The following DAB1 variants were observed in gnomAD, a reference collection of about 807,000 sequenced individuals.
DAB1 encodes the protein DAB adaptor protein 1.
In DAB1, 15 loss-of-function variants were observed where a neutral mutation model predicts 64.6. The observed-to-expected ratio is 0.23, with a 90% CI of 0.16 to 0.36. The LOEUF (loss-of-function observed/expected upper bound fraction) is 0.36. Among genes scored for constraint, DAB1 ranks in the 10% least tolerant of loss-of-function variants. The probability of loss-of-function intolerance (pLI) is 1.00; values close to 1 mark genes in which losing one functional copy is unlikely to be tolerated. For missense variants in DAB1, 596 were observed against 706.7 expected (o/e 0.84, Z 1.78); for synonymous variants, 235 against 251.9 (o/e 0.93, Z 0.64).
intron 4 of DAB1, among the ~76,000 whole-genome samples, chr1:58,272,598 T>C (rs1329987324): frequency 8.2e-6 from 1 of 122,332 alleles, no homozygotes; most frequent in Admixed American, 8.8e-5. Context: ...TTCTGTCTCG[T>C]TGATCTGTCT....
chr1:57,644,953 G>C (rs888511201), intron 7 of DAB1, among the ~76,000 whole-genome samples: 6 of 152,192 alleles, frequency 3.9e-5, no homozygotes, highest in Non-Finnish European at 8.8e-5. Context: ...GTGACCTGTA[G>C]AAGCCAGAGT....
At chr1:58,370,548 T>C (rs1032619698) in intron 3 of DAB1, among the ~76,000 whole-genome samples, 1 of 152,168 alleles carries the variant, frequency 6.6e-6, no homozygotes, top group Non-Finnish European at 1.5e-5. Flanking sequence ...CGTTATCTGT[T>C]GTGGTTTTGC....
chr1:57,449,009 T>C (rs1170253951), intron 7 of DAB1, among the ~76,000 whole-genome samples: 1 of 152,184 alleles, frequency 6.6e-6, no homozygotes, highest in Non-Finnish European at 1.5e-5. Context: ...TGATTCCTCC[T>C]GAAATACAGC....
At chr1:58,152,443 T>C (rs1386733953) in intron 4 of DAB1, among the ~76,000 whole-genome samples, 3 of 152,170 alleles carry the variant, frequency 2.0e-5, no homozygotes, top group Non-Finnish European at 2.9e-5. Flanking sequence ...AAGAATGACA[T>C]TGCCCATTGG....
intron 5 of DAB1, among the ~76,000 whole-genome samples, chr1:58,001,356 C>T (rs113029565): frequency 0.012 from 1,781 of 152,186 alleles, 39 homozygotes; most frequent in African/African-American, 0.041. Flanking sequence ...CTCCACCTCC[C>T]GGGTTCAAGC....
intron 3 of DAB1, among the ~76,000 whole-genome samples, chr1:58,487,729 A>C (rs965812080): frequency 6.6e-6 from 1 of 152,188 alleles, no homozygotes; most frequent in African/African-American, 2.4e-5. Context: ...TAATTTGAGA[A>C]GCTTCATTCT....
intron 4 of DAB1, among the ~76,000 whole-genome samples, chr1:58,258,019 G>A (rs895553031): frequency 6.6e-6 from 1 of 152,180 alleles, no homozygotes; most frequent in African/African-American, 2.4e-5. Context: ...TACTGTTACC[G>A]TGGTGGGGAG....
At chr1:57,993,612 T>C (rs12081436) in intron 5 of DAB1, among the ~76,000 whole-genome samples, 3,015 of 152,328 alleles carry the variant, frequency 0.02, 68 homozygotes, top group African/African-American at 0.049. Context: ...TCCTAGTTTC[T>C]AACCCTCAAA....
intron 2 of DAB1, among the ~76,000 whole-genome samples, chr1:57,153,885 T>C (rs1267899068): frequency 2.6e-5 from 4 of 152,126 alleles, no homozygotes; most frequent in Non-Finnish European, 4.4e-5. Flanking sequence ...GTGATCCACC[T>C]GCCTCGGCCT....
rs115106721 is a variant in DAB1, at chr1:57,147,094, G to A, written c.68-1665C>T. 9.4e-3 allele frequency among the ~76,000 whole-genome samples: 1,412 copies of A among 150,602 alleles called. 22 individuals carry two copies. Among genetic ancestry groups the A allele is most frequent in the African/African-American group, 0.03 (1,233 of 40,878 alleles). Reference sequence around the variant, plus strand: ...CACCCAGGCTGGAGCACAGTGGCGCGATCACAGCTCACTGCAGCCACGACC... The same window carrying A: ...CACCCAGGCTGGAGCACAGTGGCGCAATCACAGCTCACTGCAGCCACGACC... On this transcript the variant is annotated intron_variant, in intron 2 of 14. Transcript: ENST00000371236.
chr1:57,248,934 A>G (rs1383059317), intron 2 of DAB1, among the ~76,000 whole-genome samples: 1 of 152,208 alleles, frequency 6.6e-6, no homozygotes, highest in Non-Finnish European at 1.5e-5. Context: ...CATAGGTCTC[A>G]GGATAATTAA....
At chr1:57,766,964 TG>T (rs1228398060) in intron 6 of DAB1, among the ~76,000 whole-genome samples, 1 of 152,130 alleles carries the variant, frequency 6.6e-6, no homozygotes, top group African/African-American at 2.4e-5. Context: ...AACTGCCAAA[TG>T]GAAGAGATGC....
intron 6 of DAB1, among the ~76,000 whole-genome samples, chr1:57,793,710 C>G (rs1054133927): frequency 6.6e-6 from 1 of 152,190 alleles, no homozygotes; most frequent in Non-Finnish European, 1.5e-5. Flanking sequence ...CGCTATGCCT[C>G]AAAAACTCAG....
At chr1:57,135,376 C>T (rs1247827253) in intron 4 of DAB1, among the ~76,000 whole-genome samples, 1 of 152,132 alleles carries the variant, frequency 6.6e-6, no homozygotes, top group East Asian at 1.9e-4. Context: ...TTGTGCCTGG[C>T]TTAATTCACT....
At chr1:57,349,807 T>C (rs1678429305) in intron 1 of DAB1, among the ~76,000 whole-genome samples, 1 of 152,156 alleles carries the variant, frequency 6.6e-6, no homozygotes, top group African/African-American at 2.4e-5. Context: ...TCATTGGCAG[T>C]TTGTCCAAGG....
At chr1:58,530,024 G>A (rs1646409892) in intron 1 of DAB1, among the ~76,000 whole-genome samples, 1 of 151,912 alleles carries the variant, frequency 6.6e-6, no homozygotes, top group Non-Finnish European at 1.5e-5. Context: ...GAGACTACAG[G>A]CGCCCGCCAC....
chr1:57,518,725 C>T (rs557519614), intron 7 of DAB1, among the ~76,000 whole-genome samples: 1 of 152,314 alleles, frequency 6.6e-6, no homozygotes, highest in African/African-American at 2.4e-5. Context: ...AACTCTCAAC[C>T]CATCCCTAAT....
At chr1:58,349,812 A>T (rs1194628345) in intron 3 of DAB1, among the ~76,000 whole-genome samples, 1 of 152,170 alleles carries the variant, frequency 6.6e-6, no homozygotes, top group Non-Finnish European at 1.5e-5. Context: ...GCTGCATAGT[A>T]TTCCATGGTG....
At chr1:57,111,382 C>T (rs908301667) in intron 4 of DAB1, among the ~76,000 whole-genome samples, 1 of 152,164 alleles carries the variant, frequency 6.6e-6, no homozygotes, top group African/African-American at 2.4e-5. Flanking sequence ...TCAGATCTGT[C>T]ATGACACAGT....
Sources: allele counts gnomAD v4.1 joint callset (sites outside exome capture counted in the v4.1 genomes callset), GRCh38; gene constraint gnomAD v4.1.1; transcripts MANE v1.5; gene names NCBI Gene and HGNC (gene_info 2026-07-23, HGNC 2026-07-21).